Variants in UPF2 observed in about 807,000 individuals in gnomAD.
UPF2 encodes UPF2 regulator of nonsense mediated mRNA decay, also known as regulator of nonsense transcripts 2.
A neutral mutation model predicts 141.4 loss-of-function variants in UPF2; 17 were observed. The observed-to-expected ratio is 0.12, with a 90% CI of 0.08 to 0.18. UPF2 has a LOEUF of 0.18. UPF2 is among the 10% of genes least tolerant of loss of function. The probability of loss-of-function intolerance (pLI) is 1.00; values close to 1 mark genes in which losing one functional copy is unlikely to be tolerated. For missense variants in UPF2, 1,152 were observed against 1,515.9 expected (o/e 0.76, Z 3.99); for synonymous variants, 540 against 498.0 (o/e 1.08, Z -1.12).
intron 8 of UPF2, among the ~76,000 whole-genome samples, chr10:11,984,412 T>C (rs922064835): frequency 1.3e-5 from 2 of 152,212 alleles, no homozygotes; most frequent in African/African-American, 2.4e-5. Flanking sequence ...CTTTAAAATA[T>C]ATTTTCTACA....
At chr10:12,021,446 G>A (rs1033742758) in intron 3 of UPF2, among the ~76,000 whole-genome samples, 7 of 152,072 alleles carry the variant, frequency 4.6e-5, no homozygotes, top group African/African-American at 1.7e-4. Flanking sequence ...GGCTGAGGTG[G>A]GAGATAGCGA....
chr10:11,952,676 G>A (rs1564342514), intron 14 of UPF2, among the ~76,000 whole-genome samples: 2 of 151,890 alleles, frequency 1.3e-5, no homozygotes, highest in African/African-American at 2.4e-5. Context: ...GGGTTTCACT[G>A]TGTTAGCCAG....
intron 15 of UPF2, among the ~76,000 whole-genome samples, chr10:11,950,059 A>G (rs1180831438): frequency 6.6e-6 from 1 of 152,004 alleles, no homozygotes; most frequent in Non-Finnish European, 1.5e-5. Flanking sequence ...TCACAAACAC[A>G]AAAAAAATTT....
chr10:12,007,157 C>T (rs2131274512), intron 4 of UPF2, among the ~76,000 whole-genome samples: 1 of 152,278 alleles, frequency 6.6e-6, no homozygotes, highest in East Asian at 1.9e-4. Context: ...TCTACAAGAA[C>T]TGACTCAGAA....
intron 20 of UPF2, among the ~76,000 whole-genome samples, chr10:11,930,913 A>G (rs2131152293): frequency 6.6e-6 from 1 of 152,362 alleles, no homozygotes; most frequent in South Asian, 2.1e-4. Flanking sequence ...ACAGTGCTGT[A>G]GAAACAACTA....
At chr10:11,962,124 C>T (rs911559368) in intron 11 of UPF2, among the ~76,000 whole-genome samples, 2 of 152,176 alleles carry the variant, frequency 1.3e-5, no homozygotes, top group African/African-American at 4.8e-5. Context: ...GATAATCCAG[C>T]TTTTAATCTC....
rs772088954 is a variant in UPF2 at position 11,952,110 on chromosome 10, A to G, written c.2990T>C (p.Ile997Thr). 1.2e-6 allele frequency: 2 copies of G among 1,614,080 alleles called. No individual in the cohort carries two copies. The highest frequency in any genetic ancestry group is 1.1e-5 in the South Asian group (1 of 91,070). The change falls in exon 15 of 22, where the codon ATC becomes ACC. Residue 997 changes from isoleucine (I) to threonine (T), a missense_variant. Ile to Thr is a moderately conservative substitution (Grantham distance 89). Transcript: ENST00000357604. ...TCGTTCCAAGTCTTGTACCTGCCTGATGGATTCTTCCAGAGAATTACAGAG... is the reference window on the plus strand; with the variant it reads ...TCGTTCCAAGTCTTGTACCTGCCTGGTGGATTCTTCCAGAGAATTACAGAG... ...IKLCNSLEESIRQVQDLEREF... is the reference protein window; with the variant it reads ...IKLCNSLEESTRQVQDLEREF...
chr10:11,979,112 A>T lies in UPF2; in HGVS notation c.1898T>A (p.Met633Lys). The T allele has an allele frequency of 6.2e-7, 1 of 1,613,726 alleles. No homozygotes were observed. Among genetic ancestry groups the T allele is most frequent in the Non-Finnish European group, 8.5e-7 (1 of 1,179,768 alleles). ...ARLVATLHPC[M>K]SDVAEDLCSM... is the part of the protein sequence containing the mutation. ...ACAAAGATCCTCTGCTACATCAGAC[A>T]TGCAGGGATGCAATGTAGCAACCAA... is the stretch of plus-strand genomic sequence containing the variant. The change falls in exon 9 of 22, where the codon ATG becomes AAG. Residue 633 changes from methionine to lysine, a missense_variant. Met to Lys is a moderately conservative substitution (Grantham distance 95). Around this residue, in one of 4 missense-constraint regions of UPF2, gnomAD observed 739 missense variants for 1,032.2 expected, o/e 0.72. Coordinates refer to ENST00000357604, the MANE Select transcript of UPF2 (RefSeq NM_015542.4). The surrounding 1 kb of genome is among the most constrained non-coding windows in gnomAD (Gnocchi z 6.2).
At chr10:11,981,509 C>T (rs1588550881) in intron 8 of UPF2, among the ~76,000 whole-genome samples, 1 of 152,008 alleles carries the variant, frequency 6.6e-6, no homozygotes, top group Non-Finnish European at 1.5e-5. Flanking sequence ...AAAGAAACAG[C>T]GAAAACTACA....
chr10:11,936,485 G>A lies in UPF2; in HGVS notation c.3546+60C>T. On this transcript the variant is annotated intron_variant, in intron 19 of 21. Transcript: ENST00000357604. The surrounding 1 kb of genome is among the most constrained non-coding windows in gnomAD (Gnocchi z 6.6). The stretch of plus-strand genomic sequence containing the variant: ...TTATCCCCTTGTAGGTCAAAGATAA[G>A]TTAAAACCTAACTGTATAACTCACA... 3 of 1,506,158 alleles carry A rather than the reference G, an allele frequency of 2.0e-6. No individual in the cohort carries two copies. Among genetic ancestry groups the A allele is most frequent in the Non-Finnish European group, 2.7e-6 (3 of 1,124,382 alleles). 93.3% of individuals were successfully genotyped at this position (1,506,158 alleles called of 1,614,324 possible).
At chr10:11,929,661 A>G (rs1832758546) in intron 21 of UPF2, among the ~76,000 whole-genome samples, 1 of 152,206 alleles carries the variant, frequency 6.6e-6, no homozygotes, top group African/African-American at 2.4e-5. Context: ...AATAAAAATA[A>G]AAAAAACAGA....
Position 12,014,791 on chromosome 10 carries a change from T to A in UPF2, c.1146-607A>T, listed in dbSNP as rs911123615. On this transcript the variant is annotated intron_variant, in intron 3 of 21. Transcript: ENST00000357604. The surrounding 1 kb of genome is among the most constrained non-coding windows in gnomAD (Gnocchi z 5.0). Reference sequence around the variant, plus strand: ...AGTTATCCTTAAACTTCCATAATGATTTGAATCAAGATTATCTTTTGAAAA... The same window carrying A: ...AGTTATCCTTAAACTTCCATAATGAATTGAATCAAGATTATCTTTTGAAAA... Among the ~76,000 whole-genome samples, 1 of 152,178 alleles carries A rather than the reference T, an allele frequency of 6.6e-6. No homozygotes were observed. Among genetic ancestry groups the A allele is most frequent in the African/African-American group, 2.4e-5 (1 of 41,438 alleles).
Position 11,964,125 on chromosome 10 carries a change from T to C in UPF2, c.2068A>G (p.Met690Val), listed in dbSNP as rs202040314. Residue 690 changes from methionine (M) to valine (V), a missense_variant and splice_region_variant, in exon 11 of 22, where the codon ATG becomes GTG. By Grantham distance (21) the Met-to-Val change is conservative. Coordinates refer to ENST00000357604, the MANE Select transcript of UPF2 (RefSeq NM_015542.4). ...TKNDTLHCLKMLLSDFSHHHI... is the reference protein window; with the variant it reads ...TKNDTLHCLKVLLSDFSHHHI... Reference sequence around the variant, plus strand: ...TGATGAGAGAAGTCTGACAGAAGCATCTGCAACAGGAAGAATGATGAAAAC... The same window carrying C: ...TGATGAGAGAAGTCTGACAGAAGCACCTGCAACAGGAAGAATGATGAAAAC... 13 of 1,605,748 alleles carry C rather than the reference T, an allele frequency of 8.1e-6. No individual in the cohort carries two copies. Among genetic ancestry groups the C allele is most frequent in the Non-Finnish European group, 1.1e-5 (13 of 1,174,214 alleles).
In UPF2 at chr10:11,936,014, C is replaced by T. The variant is rs1832845007; in HGVS notation, c.3546+531G>A. Reference sequence around the variant, plus strand: ...CCTTTCCTTCCCCGCCTGGGGCTTGCTTGTGGAAGTTTGTGCTAGAAGTCA... The same window carrying T: ...CCTTTCCTTCCCCGCCTGGGGCTTGTTTGTGGAAGTTTGTGCTAGAAGTCA... On this transcript the variant is annotated intron_variant, in intron 19 of 21. Coordinates refer to ENST00000357604, the MANE Select transcript of UPF2 (RefSeq NM_015542.4). This position sits in a 1 kb window ranked among gnomAD's most constrained non-coding sequence, Gnocchi z 6.6. 6.6e-6 allele frequency among the ~76,000 whole-genome samples: 1 copy of T among 152,134 alleles called. No homozygotes were observed. Among genetic ancestry groups the T allele is most frequent in the African/African-American group, 2.4e-5 (1 of 41,416 alleles).
At chr10:11,972,563 T>C (rs1833437623) in intron 9 of UPF2, among the ~76,000 whole-genome samples, 1 of 152,128 alleles carries the variant, frequency 6.6e-6, no homozygotes, top group Non-Finnish European at 1.5e-5. Flanking sequence ...CCCCGGTGCG[T>C]GATGTGCCCC....
intron 14 of UPF2, among the ~76,000 whole-genome samples, chr10:11,954,063 GA>G (rs1482510056): frequency 6.6e-6 from 1 of 152,128 alleles, no homozygotes; most frequent in East Asian, 1.9e-4. Context: ...TTGGCACTTA[GA>G]AAATTGTATT....
intron 14 of UPF2, 87 bp from the exon 15 acceptor site, chr10:11,952,336 G>T: frequency 8.3e-7 from 1 of 1,207,388 alleles, no homozygotes; most frequent in Non-Finnish European, 1.1e-6. Flanking sequence ...CTGTTTCCCA[G>T]TTATAACTAC....
At chr10:11,984,110 A>G (rs1833645716) in intron 8 of UPF2, among the ~76,000 whole-genome samples, 1 of 151,924 alleles carries the variant, frequency 6.6e-6, no homozygotes, top group African/African-American at 2.4e-5. Context: ...TTTAGTAGAG[A>G]CGGGGTTTCT....
intron 19 of UPF2, among the ~76,000 whole-genome samples, chr10:11,932,132 G>C (rs2033172628): frequency 6.7e-6 from 1 of 150,220 alleles, no homozygotes; most frequent in African/African-American, 2.5e-5. Flanking sequence ...CTGGGCAAAA[G>C]AGCAAGACTC....
Sources: gnomAD v4.1 joint callset for allele counts (sites outside exome capture counted in the v4.1 genomes callset) on GRCh38, gnomAD v4.1.1 for gene constraint, gnomAD v4.1.1 regional missense constraint, Gnocchi (gnomAD v3.1) non-coding constraint, MANE v1.5 for transcripts, NCBI Gene and HGNC (gene_info 2026-07-23, HGNC 2026-07-21) for gene names.